ERBB4: variants seen among roughly 807,000 people sequenced by gnomAD.
The protein encoded by ERBB4 is receptor tyrosine-protein kinase erbB-4.
In ERBB4, 42 loss-of-function variants were observed where a neutral mutation model predicts 158.0. The ratio of observed to expected loss-of-function variants is 0.27; its 90% CI spans 0.21 to 0.34. The LOEUF is 0.34. Among genes scored for constraint, ERBB4 ranks in the 10% least tolerant of loss-of-function variants. ERBB4 has a pLI of 1.00. For synonymous variants in ERBB4, 583 were observed against 558.7 expected (o/e 1.04, Z -0.61); for missense variants, 1,333 against 1,624.1 (o/e 0.82, Z 3.08).
chr2:212,065,784 C>A (rs550261076), intron 2 of ERBB4, among the ~76,000 whole-genome samples: 1 of 152,134 alleles, frequency 6.6e-6, no homozygotes, highest in East Asian at 1.9e-4. Context: ...GAACGGAGTA[C>A]AGTCACTTTC....
At chr2:212,329,328 T>G (rs1366980023) in intron 1 of ERBB4, among the ~76,000 whole-genome samples, 1 of 152,082 alleles carries the variant, frequency 6.6e-6, no homozygotes, top group African/African-American at 2.4e-5. Flanking sequence ...TCACAGCAAC[T>G]TGAGACTATA....
chr2:211,611,030 G>C (rs1040358592), intron 19 of ERBB4, among the ~76,000 whole-genome samples: 2 of 152,020 alleles, frequency 1.3e-5, no homozygotes, highest in African/African-American at 4.8e-5. Context: ...AGTATTTAAA[G>C]CTCAAATTTT....
At chr2:212,309,992 C>A (rs2086968039) in intron 1 of ERBB4, among the ~76,000 whole-genome samples, 1 of 150,358 alleles carries the variant, frequency 6.7e-6, no homozygotes, top group Non-Finnish European at 1.5e-5. Context: ...AATTTTAAGG[C>A]TCTAACTCCC....
chr2:211,942,199 T>C (rs1228852182), intron 3 of ERBB4, among the ~76,000 whole-genome samples: 1 of 152,284 alleles, frequency 6.6e-6, no homozygotes, highest in East Asian at 1.9e-4. Flanking sequence ...GAAAAGGTAC[T>C]ACATTACTTG....
At chr2:212,298,263 T>C (rs756491091) in intron 1 of ERBB4, among the ~76,000 whole-genome samples, 8 of 151,806 alleles carry the variant, frequency 5.3e-5, no homozygotes, top group Non-Finnish European at 1.2e-4. Context: ...AGTTTCTACA[T>C]GGAGTGAAAT....
At chr2:211,577,328 G>A (rs1296603398) in intron 19 of ERBB4, among the ~76,000 whole-genome samples, 2 of 152,090 alleles carry the variant, frequency 1.3e-5, no homozygotes, top group East Asian at 1.9e-4. Flanking sequence ...CTGACATTTG[G>A]ATTTTATTGT....
chr2:211,970,048 C>T (rs890067375), intron 2 of ERBB4, among the ~76,000 whole-genome samples: 1 of 152,100 alleles, frequency 6.6e-6, no homozygotes, highest in Non-Finnish European at 1.5e-5. Flanking sequence ...AAATTTCCCT[C>T]TTAACACTTC....
At chr2:212,000,298 G>A (rs2076074408) in intron 2 of ERBB4, among the ~76,000 whole-genome samples, 1 of 151,792 alleles carries the variant, frequency 6.6e-6, no homozygotes, top group Non-Finnish European at 1.5e-5. Flanking sequence ...ACATAACATT[G>A]ACTTGGAGAA....
intron 3 of ERBB4, among the ~76,000 whole-genome samples, chr2:211,843,916 CA>C (rs953619732): frequency 1.3e-5 from 2 of 152,020 alleles, no homozygotes; most frequent in African/African-American, 4.8e-5. Flanking sequence ...CCTTCATACA[CA>C]AAGAAAATGA....
At chr2:211,775,796 A>G (rs2075858003) in intron 4 of ERBB4, among the ~76,000 whole-genome samples, 1 of 152,174 alleles carries the variant, frequency 6.6e-6, no homozygotes, top group South Asian at 2.1e-4. Context: ...AGATTTCACA[A>G]AGGTTTTCAT....
rs541827590 is a variant in ERBB4 at position 211,529,628 on chromosome 2, A to G, written c.2487+32275T>C. Reference sequence around the variant, plus strand: ...ATACCATCAAGCCAAATTCAACAACATATTGGAAAGATAATTCATCATAAC... The same window carrying G: ...ATACCATCAAGCCAAATTCAACAACGTATTGGAAAGATAATTCATCATAAC... On this transcript the variant is annotated intron_variant, in intron 20 of 27. Coordinates refer to ENST00000342788, the MANE Select transcript of ERBB4 (RefSeq NM_005235.3). 4.6e-5 allele frequency among the ~76,000 whole-genome samples: 7 copies of G among 152,284 alleles called. No homozygotes were observed. In the East Asian group the frequency reaches 1.4e-3, roughly 29 times the overall value.
At chr2:212,183,524 G>A (rs1015455153) in intron 1 of ERBB4, among the ~76,000 whole-genome samples, 5 of 151,772 alleles carry the variant, frequency 3.3e-5, no homozygotes, top group Non-Finnish European at 4.4e-5. Context: ...AAAGAAATAG[G>A]GTTTAAACTG....
chr2:211,384,155 C>CA (rs149051144), intron 27 of ERBB4, 95 bp from the exon 28 acceptor site: 3 of 834,072 alleles, frequency 3.6e-6, no homozygotes, highest in Admixed American at 4.7e-5. Flanking sequence ...TTGTCTAGAA[C>CA]AAAAAAACCC....
At chr2:211,402,137 A>T (rs2063056742) in intron 25 of ERBB4, among the ~76,000 whole-genome samples, 1 of 152,100 alleles carries the variant, frequency 6.6e-6, no homozygotes, top group South Asian at 2.1e-4. Context: ...AGGAACCACT[A>T]CTGTTTTTAT....
intron 3 of ERBB4, among the ~76,000 whole-genome samples, chr2:211,876,461 G>C (rs1278227903): frequency 3.9e-5 from 6 of 152,154 alleles, no homozygotes; most frequent in South Asian, 2.1e-4. Context: ...AGATTATATA[G>C]AGCAATTAAA....
Position 212,521,401 on chromosome 2 carries a change from C to T in ERBB4, c.82+17048G>A, listed in dbSNP as rs561454559. Among the ~76,000 whole-genome samples, 4 of 151,854 alleles carry T rather than the reference C, an allele frequency of 2.6e-5. No individual in the cohort carries two copies. In the South Asian group the frequency reaches 6.2e-4, roughly 24 times the overall value. ...TCTACTTAAAGTTCTCATGACAGTC[C>T]ATGTGTACAATAATTCTATAAACCA... On this transcript the variant is annotated intron_variant, in intron 1 of 27. Transcript: ENST00000342788.
chr2:212,201,484 C>T (rs1009121437), intron 1 of ERBB4, among the ~76,000 whole-genome samples: 2 of 152,004 alleles, frequency 1.3e-5, no homozygotes, highest in African/African-American at 4.8e-5. Flanking sequence ...TTTTTTCACG[C>T]TTGCTTTAAT....
chr2:211,897,401 C>T (rs903181221), intron 3 of ERBB4, among the ~76,000 whole-genome samples: 1 of 150,466 alleles, frequency 6.6e-6, no homozygotes, highest in Non-Finnish European at 1.5e-5. Context: ...ATATGAAGGG[C>T]TCTTTTCATC....
At chr2:212,285,038 C>T (rs568371411) in intron 1 of ERBB4, among the ~76,000 whole-genome samples, 4 of 151,976 alleles carry the variant, frequency 2.6e-5, no homozygotes, top group South Asian at 2.1e-4. Context: ...TAGCTCAAAA[C>T]GAATAAAAAC....
Sources: allele counts gnomAD v4.1 joint callset (sites outside exome capture counted in the v4.1 genomes callset), GRCh38; gene constraint gnomAD v4.1.1; transcripts MANE v1.5; gene names NCBI Gene and HGNC (gene_info 2026-07-23, HGNC 2026-07-21).